CYB5R3: variants seen among roughly 807,000 people sequenced by gnomAD.
CYB5R3 encodes cytochrome b5 reductase 3, also known as NADH-cytochrome b5 reductase 3.
Under a neutral mutation model 36.5 loss-of-function variants are expected in CYB5R3, and 28 were observed. The observed-to-expected ratio is 0.77, with a 90% CI of 0.57 to 1.05. CYB5R3 has a LOEUF of 1.05. CYB5R3 is among the 50% of genes least tolerant of loss of function. CYB5R3 has a pLI of 0.00. For synonymous variants in CYB5R3, 181 were observed against 159.8 expected (o/e 1.13, Z -1.00); for missense variants, 474 against 408.9 (o/e 1.16, Z -1.37).
chr22:42,642,147 T>C (rs1381957984), intron 1 of CYB5R3, among the ~76,000 whole-genome samples: 2 of 114,572 alleles, frequency 1.7e-5, no homozygotes, highest in African/African-American at 6.4e-5. Context: ...GGTTTCACTC[T>C]ATCACCCAGG....
At chr22:42,639,564 G>A (rs1246441340) in intron 1 of CYB5R3, among the ~76,000 whole-genome samples, 2 of 151,660 alleles carry the variant, frequency 1.3e-5, no homozygotes, top group African/African-American at 4.8e-5. Context: ...GGAGGCAGAG[G>A]TTGCAGTGAG....
chr22:42,644,453 C>G, intron 1 of CYB5R3: 1 of 821,418 alleles, frequency 1.2e-6, no homozygotes, highest in Non-Finnish European at 2.0e-6. Context: ...ATATGCTCTC[C>G]TCTCTGCCCC....
chr22:42,623,759 C>G (rs1218512632), intron 8 of CYB5R3, 30 bp downstream of exon 8: 1 of 1,579,718 alleles, frequency 6.3e-7, no homozygotes, highest in Non-Finnish European at 8.7e-7. Context: ...GCACCTCCCA[C>G]CCACCCAGTG....
intron 5 of CYB5R3, 60 bp downstream of exon 5, chr22:42,628,092 G>T: frequency 6.2e-7 from 1 of 1,609,156 alleles, no homozygotes; most frequent in Non-Finnish European, 8.5e-7. Flanking sequence ...CACCCAGCAC[G>T]CCCAAGCTCT....
intron 1 of CYB5R3, among the ~76,000 whole-genome samples, chr22:42,638,318 C>T (rs932213788): frequency 6.8e-6 from 1 of 146,694 alleles, no homozygotes; most frequent in African/African-American, 2.5e-5. Context: ...ATCGCTTGAA[C>T]CTGGGAGGCG....
intron 1 of CYB5R3, chr22:42,640,348 CACTT>C (rs1397024230): frequency 1.5e-5 from 13 of 851,224 alleles, no homozygotes; most frequent in South Asian, 8.4e-5. Context: ...CTGCGTGGTT[CACTT>C]ATTTATTTAT....
chr22:42,647,339 GAA>G (rs1929582091), intron 1 of CYB5R3, among the ~76,000 whole-genome samples: 1 of 152,222 alleles, frequency 6.6e-6, no homozygotes, highest in East Asian at 1.9e-4. Flanking sequence ...ATGAGGCCAA[GAA>G]CGGCGTTCAC....
intron 1 of CYB5R3, among the ~76,000 whole-genome samples, chr22:42,645,181 G>A (rs1463830821): frequency 6.6e-6 from 1 of 152,134 alleles, no homozygotes; most frequent in Admixed American, 6.5e-5. Flanking sequence ...CTCCCCACAA[G>A]TCTCCAGAAG....
At chr22:42,644,261 G>A (rs1427165956) in intron 1 of CYB5R3, 1 of 638,716 alleles carries the variant, frequency 1.6e-6, no homozygotes, top group Non-Finnish European at 2.9e-6. Flanking sequence ...CCACAGTGAG[G>A]CCTGAGCACC....
At chr22:42,621,172 G>A (rs1016555591) in intron 8 of CYB5R3, among the ~76,000 whole-genome samples, 7 of 144,594 alleles carry the variant, frequency 4.8e-5, no homozygotes, top group Admixed American at 1.4e-4. Context: ...ATTTCACAGC[G>A]ATTTCTTTTT....
chr22:42,634,081 G>A (rs1346016560), intron 2 of CYB5R3, among the ~76,000 whole-genome samples: 1 of 152,108 alleles, frequency 6.6e-6, no homozygotes, highest in Non-Finnish European at 1.5e-5. Context: ...GCCAGGCACG[G>A]TGGCTCACGC....
chr22:42,634,053 T>C (rs1379390853), intron 2 of CYB5R3, among the ~76,000 whole-genome samples: 1 of 152,030 alleles, frequency 6.6e-6, no homozygotes, highest in East Asian at 1.9e-4. Context: ...CTTACATAAG[T>C]ATAAAACATA....
intron 4 of CYB5R3, 148 bp downstream of exon 4, chr22:42,630,734 C>A (rs1353655351): frequency 2.8e-6 from 2 of 710,956 alleles, no homozygotes; most frequent in African/African-American, 1.8e-5. Context: ...ACTGCCCCTG[C>A]AAGCCCCTGA....
intron 1 of CYB5R3, chr22:42,646,910 G>A (rs1419637696): frequency 4.1e-6 from 4 of 985,474 alleles, no homozygotes; most frequent in East Asian, 1.1e-4. Flanking sequence ...GGGTCGCTGA[G>A]CACTCACAGC....
At chr22:42,641,600 C>T (rs528436790) in intron 1 of CYB5R3, among the ~76,000 whole-genome samples, 1 of 152,314 alleles carries the variant, frequency 6.6e-6, no homozygotes, top group South Asian at 2.1e-4. Flanking sequence ...ATTCTCCTGC[C>T]TCAGCATCCC....
At chr22:42,631,168 G>A in intron 3 of CYB5R3, 180 bp from the exon 4 acceptor site, 1 of 753,340 alleles carries the variant, frequency 1.3e-6, no homozygotes, top group Non-Finnish European at 2.2e-6. Context: ...CTGCCTCCAT[G>A]CCTTCACTCC....
chr22:42,647,888 T>C (rs947036194), intron 1 of CYB5R3, among the ~76,000 whole-genome samples: 1 of 151,458 alleles, frequency 6.6e-6, no homozygotes, highest in African/African-American at 2.4e-5. Context: ...AAAAAAGAAA[T>C]GTATGGAGCA....
chr22:42,629,110 G>A (rs1928472047), intron 4 of CYB5R3, among the ~76,000 whole-genome samples: 1 of 152,120 alleles, frequency 6.6e-6, no homozygotes, highest in Non-Finnish European at 1.5e-5. Context: ...TCCTCAATTT[G>A]AATCCTCCTA....
At chr22:42,622,939 C>A (rs1234193760) in intron 8 of CYB5R3, among the ~76,000 whole-genome samples, 2 of 152,230 alleles carry the variant, frequency 1.3e-5, no homozygotes, top group African/African-American at 4.8e-5. Flanking sequence ...TGCAGGTCCC[C>A]AGCTTCTCTT....
Sources: allele counts gnomAD v4.1 joint callset (sites outside exome capture counted in the v4.1 genomes callset), GRCh38; gene constraint gnomAD v4.1.1; transcripts MANE v1.5; gene names NCBI Gene and HGNC (gene_info 2026-07-23, HGNC 2026-07-21).